The following ERG variants were observed in gnomAD, a reference collection of about 807,000 sequenced individuals.
ERG encodes the protein ETS transcription factor ERG.
Under a neutral mutation model 55.3 loss-of-function variants are expected in ERG, and 9 were observed. That is an observed-to-expected ratio of 0.16 (90% CI 0.10 to 0.28). The LOEUF (loss-of-function observed/expected upper bound fraction) is 0.28. ERG is among the 10% of genes least tolerant of loss of function. The pLI is 1.00. For synonymous variants in ERG, 223 were observed against 237.3 expected, an observed-to-expected ratio of 0.94 and a Z score of 0.55; for missense variants, 434 against 631.6, an observed-to-expected ratio of 0.69 and a Z score of 3.35.
At chr21:38,468,270 T>C (rs1369543043) in intron 1 of ERG, among the ~76,000 whole-genome samples, 1 of 152,200 alleles carries the variant, frequency 6.6e-6, no homozygotes, top group Non-Finnish European at 1.5e-5. Flanking sequence ...CTCTCTCCTG[T>C]TGGGCTGCTA....
intron 3 of ERG, among the ~76,000 whole-genome samples, chr21:38,417,982 C>T (rs1024290352): frequency 6.6e-6 from 1 of 152,074 alleles, no homozygotes; most frequent in African/African-American, 2.4e-5. Context: ...TCACAGCCAA[C>T]ACCTAAAGAG....
intron 2 of ERG, among the ~76,000 whole-genome samples, chr21:38,545,754 T>C (rs2059784197): frequency 6.6e-6 from 1 of 152,170 alleles, no homozygotes; most frequent in Non-Finnish European, 1.5e-5. Flanking sequence ...TCTACTGAGC[T>C]CCACTGAAAA....
At chr21:38,442,317 C>A (rs939655903) in intron 2 of ERG, among the ~76,000 whole-genome samples, 8 of 151,600 alleles carry the variant, frequency 5.3e-5, no homozygotes, top group Admixed American at 4.6e-4. Flanking sequence ...TCGCTTGAAC[C>A]CCGGGGGGTG....
At chr21:38,626,147 C>T (rs1313439205) in intron 1 of ERG, among the ~76,000 whole-genome samples, 1 of 152,080 alleles carries the variant, frequency 6.6e-6, no homozygotes, top group Non-Finnish European at 1.5e-5. Context: ...GTCTCAAACT[C>T]CTGACCTCAG....
intron 1 of ERG, among the ~76,000 whole-genome samples, chr21:38,478,339 G>C (rs546566664): frequency 2.0e-5 from 3 of 152,330 alleles, no homozygotes; most frequent in South Asian, 2.1e-4. Context: ...TGTGAAAATA[G>C]AGCAAGTGGG....
At chr21:38,642,037 G>T (rs989780184) in intron 1 of ERG, among the ~76,000 whole-genome samples, 2 of 152,214 alleles carry the variant, frequency 1.3e-5, no homozygotes, top group African/African-American at 4.8e-5. Context: ...AACAGAAGAG[G>T]ACTAGGTAGA....
At chr21:38,497,348 G>C (rs143427211) in intron 1 of ERG, among the ~76,000 whole-genome samples, 7 of 152,188 alleles carry the variant, frequency 4.6e-5, no homozygotes, top group Admixed American at 2.6e-4. Context: ...ACCACCAAAT[G>C]CTTCTCACCT....
intron 2 of ERG, among the ~76,000 whole-genome samples, chr21:38,513,971 T>C (rs1364896923): frequency 6.6e-6 from 1 of 152,020 alleles, no homozygotes; most frequent in Non-Finnish European, 1.5e-5. Context: ...GCTGTAGACA[T>C]TGGAAGGATA....
At chr21:38,511,989 C>T (rs2059515379) in intron 2 of ERG, among the ~76,000 whole-genome samples, 1 of 152,194 alleles carries the variant, frequency 6.6e-6, no homozygotes, top group African/African-American at 2.4e-5. Context: ...TTTTATCAGC[C>T]TTGTAATATA....
At chr21:38,601,208 A>G (rs890086183) in intron 1 of ERG, among the ~76,000 whole-genome samples, 3 of 152,204 alleles carry the variant, frequency 2.0e-5, no homozygotes, top group Non-Finnish European at 4.4e-5. Context: ...CGGCAGCCAG[A>G]TCAGGCAGGA....
intron 1 of ERG, among the ~76,000 whole-genome samples, chr21:38,656,136 G>C (rs773396311): frequency 3.3e-5 from 5 of 152,110 alleles, no homozygotes; most frequent in Admixed American, 6.5e-5. Context: ...CTGGCTGGAG[G>C]GGGGTTCCAG....
chr21:38,379,502 AT>A (rs146127356), downstream of ERG, among the ~76,000 whole-genome samples: 5,592 of 150,044 alleles, frequency 0.037, 241 homozygotes, highest in African/African-American at 0.11. Context: ...TGAAAAAACC[AT>A]TTTTTTTTTC....
intron 1 of ERG, among the ~76,000 whole-genome samples, chr21:38,641,374 C>T (rs1349466759): frequency 1.3e-5 from 2 of 152,180 alleles, no homozygotes; most frequent in Non-Finnish European, 2.9e-5. Flanking sequence ...CCTGCCAGTG[C>T]CTTGACATTG....
At chr21:38,391,857 A>T in intron 7 of ERG, 142 bp from the exon 8 acceptor site, 1 of 610,170 alleles carries the variant, frequency 1.6e-6, no homozygotes, top group Non-Finnish European at 2.7e-6. Context: ...GTAAGGAAAA[A>T]TTTTCCTTTC....
chr21:38,469,113 C>A, intron 1 of ERG, among the ~76,000 whole-genome samples: 1 of 151,512 alleles, frequency 6.6e-6, no homozygotes, highest in Non-Finnish European at 1.5e-5. Context: ...TGGGGGTCCC[C>A]TTATCTATTT....
chr21:38,463,345 T>C (rs773535663), intron 1 of ERG, among the ~76,000 whole-genome samples: 1 of 152,078 alleles, frequency 6.6e-6, no homozygotes, highest in Non-Finnish European at 1.5e-5. Context: ...CTGCATGTGG[T>C]TGACTCTAGG....
intron 1 of ERG, chr21:38,471,661 G>GA (rs1316947285): frequency 2.6e-5 from 4 of 152,174 alleles, no homozygotes; most frequent in Non-Finnish European, 5.9e-5. Context: ...CTACAAGGGA[G>GA]AAAATGTATT....
intron 2 of ERG, among the ~76,000 whole-genome samples, chr21:38,545,335 C>G (rs528465121): frequency 1.4e-4 from 21 of 152,316 alleles, no homozygotes; most frequent in African/African-American, 4.8e-4. Flanking sequence ...GTATTCTCCC[C>G]CTTCACTCTT....
chr21:38,393,022 T>G (rs1988048821), intron 6 of ERG, among the ~76,000 whole-genome samples: 1 of 152,208 alleles, frequency 6.6e-6, no homozygotes, highest in African/African-American at 2.4e-5. Context: ...TTATCTGATC[T>G]AGTGATTTTC....
Sources: allele counts gnomAD v4.1 joint callset (sites outside exome capture counted in the v4.1 genomes callset), GRCh38; gene constraint gnomAD v4.1.1; transcripts MANE v1.5; gene names NCBI Gene and HGNC (gene_info 2026-07-23, HGNC 2026-07-21).